The following LRRC3B variants were observed in gnomAD, a reference collection of about 807,000 sequenced individuals.
LRRC3B encodes leucine rich repeat containing 3B.
LRRC3B carries 2 observed loss-of-function variants against 12.8 expected under a neutral mutation model. The observed-to-expected ratio is 0.16, with a 90% CI of 0.06 to 0.49. The LOEUF (loss-of-function observed/expected upper bound fraction) is 0.49, where lower values mean the gene tolerates loss of function less well. Ranked by LOEUF, LRRC3B falls within the 20% of genes least tolerant of loss-of-function variation. The pLI is 0.96. For missense variants in LRRC3B, 189 were observed against 319.4 expected (o/e 0.59, Z 3.11); for synonymous variants, 132 against 122.0 (o/e 1.08, Z -0.54).
chr3:26,679,118 T>G (rs376642959), intron 1 of LRRC3B, among the ~76,000 whole-genome samples: 1 of 152,224 alleles, frequency 6.6e-6, no homozygotes, highest in Non-Finnish European at 1.5e-5. Flanking sequence ...CAGTTATTCA[T>G]TCAGTTATTC....
intron 1 of LRRC3B, among the ~76,000 whole-genome samples, chr3:26,685,517 CTCTCTCTATATATATATA>C (rs1213897729): frequency 0.04 from 2,111 of 53,316 alleles, 10 homozygotes; most frequent in Middle Eastern, 0.058. Context: ...CTCTCTCTCT[CTCTCTCTATATATATATA>C]TATATATATA....
At chr3:26,670,423 G>A (rs1309740088) in intron 1 of LRRC3B, among the ~76,000 whole-genome samples, 3 of 152,080 alleles carry the variant, frequency 2.0e-5, no homozygotes, top group East Asian at 1.9e-4. Flanking sequence ...TTATGATTCC[G>A]AGGGCTTCAT....
At chr3:26,688,556 G>A (rs1407722825) in intron 1 of LRRC3B, among the ~76,000 whole-genome samples, 1 of 152,154 alleles carries the variant, frequency 6.6e-6, no homozygotes, top group Non-Finnish European at 1.5e-5. Context: ...TTCAATCATG[G>A]CACAAAGCAA....
chr3:26,666,090 C>A (rs2125426786), intron 1 of LRRC3B, among the ~76,000 whole-genome samples: 1 of 151,462 alleles, frequency 6.6e-6, no homozygotes, highest in African/African-American at 2.4e-5. Context: ...GGAGAGAGAA[C>A]CATGGAGAAA....
intron 1 of LRRC3B, among the ~76,000 whole-genome samples, chr3:26,682,588 T>C (rs1470114166): frequency 6.6e-6 from 1 of 152,226 alleles, no homozygotes; most frequent in Non-Finnish European, 1.5e-5. Flanking sequence ...GTCATTGAGA[T>C]GGGAAAGTAT....
At chr3:26,681,469 C>T (rs1190787383) in intron 1 of LRRC3B, among the ~76,000 whole-genome samples, 1 of 152,184 alleles carries the variant, frequency 6.6e-6, no homozygotes, top group Non-Finnish European at 1.5e-5. Flanking sequence ...TCTATGAGCT[C>T]AGGCTCTAGA....
chr3:26,655,985 G>A (rs1462995056), intron 1 of LRRC3B, among the ~76,000 whole-genome samples: 1 of 152,172 alleles, frequency 6.6e-6, no homozygotes, highest in Admixed American at 6.5e-5. Flanking sequence ...CCGGACTTCA[G>A]ACTAAGGTTC....
chr3:26,636,916 C>CTCTTTCTT (rs559017147), intron 1 of LRRC3B, among the ~76,000 whole-genome samples: 801 of 71,054 alleles, frequency 0.011, 27 homozygotes, highest in Non-Finnish European at 0.015. Context: ...CTCTCTTTCT[C>CTCTTTCTT]TCTTTCTTTC....
intron 1 of LRRC3B, among the ~76,000 whole-genome samples, chr3:26,705,246 C>T (rs1247936534): frequency 2.0e-5 from 3 of 152,052 alleles, no homozygotes; most frequent in Admixed American, 6.6e-5. Context: ...ACTGCTGATG[C>T]GCAGTAACCT....
At chr3:26,697,070 C>T (rs757726889) in intron 1 of LRRC3B, among the ~76,000 whole-genome samples, 6 of 152,138 alleles carry the variant, frequency 3.9e-5, no homozygotes, top group Non-Finnish European at 5.9e-5. Flanking sequence ...TCTTAACTCA[C>T]ATAATGGGGA....
chr3:26,680,394 T>C (rs1699946946), intron 1 of LRRC3B, among the ~76,000 whole-genome samples: 1 of 152,250 alleles, frequency 6.6e-6, no homozygotes, highest in Admixed American at 6.5e-5. Flanking sequence ...ATCTCTGTTT[T>C]AGAAATAAAG....
In LRRC3B at chr3:26,675,768, A is replaced by G. The variant is rs532256164; in HGVS notation, c.-160-33745A>G. ...AAATTTGAAAATATACAGTGTTTTT[A>G]AAAATAGGTTGATATGAAACGCCTT... On this transcript the variant is annotated intron_variant, in intron 1 of 1. Transcript: ENST00000396641. 2.0e-5 allele frequency among the ~76,000 whole-genome samples: 3 copies of G among 152,294 alleles called. No homozygotes were observed. In the South Asian group the frequency reaches 6.2e-4, roughly 32 times the overall value.
At chr3:26,710,251 C>T (rs756472641) in exon 2 of LRRC3B, 3 of 1,613,818 alleles carry the variant, frequency 1.9e-6, no homozygotes, top group Admixed American at 1.7e-5. Context: ...ACGACGCTGA[C>T]CTTTGTAACC....
intron 1 of LRRC3B, among the ~76,000 whole-genome samples, chr3:26,663,540 A>G (rs527793488): frequency 5.3e-5 from 8 of 152,160 alleles, no homozygotes. Flanking sequence ...TGATTAGGCA[A>G]TTCTATATCA....
intron 1 of LRRC3B, among the ~76,000 whole-genome samples, chr3:26,686,540 C>T (rs145891203): frequency 2.0e-5 from 3 of 152,092 alleles, no homozygotes; most frequent in African/African-American, 7.2e-5. Context: ...TGCATTTCTT[C>T]TTTGATGTGT....
chr3:26,660,076 A>AG (rs1487188186), intron 1 of LRRC3B, among the ~76,000 whole-genome samples: 2 of 152,284 alleles, frequency 1.3e-5, no homozygotes, highest in African/African-American at 2.4e-5. Flanking sequence ...GAGTTTTAGT[A>AG]GGAGAAAATA....
At chr3:26,634,432 G>A (rs888559182) in intron 1 of LRRC3B, among the ~76,000 whole-genome samples, 1 of 152,200 alleles carries the variant, frequency 6.6e-6, no homozygotes, top group Non-Finnish European at 1.5e-5. Flanking sequence ...AAACGTAGGT[G>A]TAGTTTTCCC....
intron 1 of LRRC3B, among the ~76,000 whole-genome samples, chr3:26,635,783 A>G (rs2125403585): frequency 6.6e-6 from 1 of 152,340 alleles, no homozygotes; most frequent in Non-Finnish European, 1.5e-5. Flanking sequence ...TGTGTATACC[A>G]CCAGCCTGGC....
At chr3:26,709,244 T>G (rs190210251) in intron 1 of LRRC3B, among the ~76,000 whole-genome samples, 2 of 152,256 alleles carry the variant, frequency 1.3e-5, no homozygotes, top group East Asian at 3.9e-4. Flanking sequence ...AGCAGAGAAA[T>G]AGGGAGTATT....
Sources: allele counts gnomAD v4.1 joint callset (sites outside exome capture counted in the v4.1 genomes callset), GRCh38; gene constraint gnomAD v4.1.1; transcripts MANE v1.5; gene names NCBI Gene and HGNC (gene_info 2026-07-23, HGNC 2026-07-21).